Variants in DPH6 observed in about 807,000 individuals in gnomAD.
DPH6 encodes the protein diphthamine biosynthesis 6.
DPH6 carries 33 observed loss-of-function variants against 38.2 expected under a neutral mutation model. The observed-to-expected ratio is 0.86, with a 90% CI of 0.65 to 1.15. DPH6 has a LOEUF of 1.15. Among genes scored for constraint, DPH6 ranks in the 50% most tolerant of loss-of-function variants. DPH6 has a pLI of 0.00. For missense variants in DPH6, 325 were observed against 320.0 expected (o/e 1.02, Z -0.12); for synonymous variants, 108 against 103.0 (o/e 1.05, Z -0.30).
intron 5 of DPH6, among the ~76,000 whole-genome samples, chr15:35,413,271 C>A (rs2053392274): frequency 6.6e-6 from 1 of 151,572 alleles, no homozygotes; most frequent in African/African-American, 2.4e-5. Context: ...AGATTATGTA[C>A]CTAAACACAT....
chr15:35,304,879 C>T (rs1023610974), intron 3 of DPH6, among the ~76,000 whole-genome samples: 13 of 151,374 alleles, frequency 8.6e-5, no homozygotes, highest in African/African-American at 2.9e-4. Context: ...AACAAACGAA[C>T]GTGATATACT....
chr15:35,475,159 TAGAG>T lies in DPH6; in HGVS notation c.313-20343_313-20340del, dbSNP rs1043070590. On this transcript the variant is annotated intron_variant, in intron 3 of 8. Coordinates refer to ENST00000256538, the MANE Select transcript of DPH6 (RefSeq NM_080650.4). ...GATAAACATTAAATATTTTCTTAAA[TAGAG>T]AGAGGAAGGAGAGTAAGAGTTAAAC... 5.3e-5 allele frequency among the ~76,000 whole-genome samples: 8 copies of T among 152,050 alleles called. 1 individual carries two copies. The highest frequency in any genetic ancestry group is 3.9e-4 in the Admixed American group (6 of 15,256).
chr15:35,339,809 T>C (rs139580048), intron 3 of DPH6, among the ~76,000 whole-genome samples: 1 of 152,194 alleles, frequency 6.6e-6, no homozygotes, highest in Non-Finnish European at 1.5e-5. Context: ...TCCGATTATG[T>C]GATCAACTTT....
intron 3 of DPH6, among the ~76,000 whole-genome samples, chr15:35,286,531 C>A (rs58305740): frequency 0.026 from 4,017 of 152,208 alleles, 167 homozygotes; most frequent in African/African-American, 0.091. Context: ...ACTAAATGAA[C>A]AAATGACTGA....
intron 3 of DPH6, among the ~76,000 whole-genome samples, chr15:35,472,406 C>A (rs1595393919): frequency 6.6e-6 from 1 of 152,148 alleles, no homozygotes; most frequent in South Asian, 2.1e-4. Flanking sequence ...AGTGGCAGGT[C>A]AGCAACAGCA....
Position 35,533,824 on chromosome 15 carries a change from C to A in DPH6, c.312+4450G>T, listed in dbSNP as rs889018102. 5.3e-5 allele frequency among the ~76,000 whole-genome samples: 8 copies of A among 152,052 alleles called. No homozygotes were observed. The East Asian group carries it at 1.2e-3, about 22-fold the overall frequency. ...AGATAAAGAAGGAATCATGACTGATCAGTCAGCACAGACAGCCATAATCTA... is the reference window on the plus strand; with the variant it reads ...AGATAAAGAAGGAATCATGACTGATAAGTCAGCACAGACAGCCATAATCTA... On this transcript the variant is annotated intron_variant, in intron 3 of 8. Transcript: ENST00000256538.
At chr15:35,508,367 T>C (rs2054723868) in intron 3 of DPH6, among the ~76,000 whole-genome samples, 1 of 152,170 alleles carries the variant, frequency 6.6e-6, no homozygotes, top group African/African-American at 2.4e-5. Flanking sequence ...CAGTAACTAG[T>C]TGCTCTAACG....
intron 3 of DPH6, among the ~76,000 whole-genome samples, chr15:35,469,068 T>C (rs2054165101): frequency 3.0e-5 from 3 of 98,696 alleles, no homozygotes. Flanking sequence ...AAAACTCTGC[T>C]TCAAAACAAC....
intron 3 of DPH6, among the ~76,000 whole-genome samples, chr15:35,232,883 A>G (rs1249219234): frequency 6.6e-6 from 1 of 152,266 alleles, no homozygotes; most frequent in Non-Finnish European, 1.5e-5. Context: ...ATGCAAAGAC[A>G]TTTGTACAAT....
intron 7 of DPH6, 123 bp from the exon 8 acceptor site, chr15:35,373,731 T>A: frequency 1.8e-6 from 1 of 566,702 alleles, no homozygotes; most frequent in Admixed American, 4.0e-5. Flanking sequence ...GTATACAACA[T>A]GTAGTGATTA....
chr15:35,324,500 T>C (rs931386919), intron 3 of DPH6, among the ~76,000 whole-genome samples: 11 of 147,510 alleles, frequency 7.5e-5, no homozygotes, highest in Admixed American at 6.9e-4. Flanking sequence ...CTTAAGTTGT[T>C]CTCAGTCCTT....
the DPH6 span, among the ~76,000 whole-genome samples, chr15:35,167,025 A>T: frequency 1.3e-5 from 2 of 152,044 alleles, no homozygotes; most frequent in Admixed American, 1.3e-4. Context: ...TGTCAATGGA[A>T]GCGAATTCTC....
intron 8 of DPH6, 74 bp downstream of exon 8, chr15:35,373,447 G>C: frequency 7.7e-7 from 1 of 1,296,830 alleles, no homozygotes; most frequent in South Asian, 1.6e-5. Context: ...TGTTGTTACA[G>C]AATTATATAT....
chr15:35,516,281 AAGTT>A (rs939610005), intron 3 of DPH6, among the ~76,000 whole-genome samples: 2 of 152,212 alleles, frequency 1.3e-5, no homozygotes, highest in African/African-American at 4.8e-5. Context: ...TTATCTTATG[AAGTT>A]AGTTAAATAT....
intron 3 of DPH6, among the ~76,000 whole-genome samples, chr15:35,342,933 G>A (rs1198652378): frequency 6.6e-6 from 1 of 152,112 alleles, no homozygotes; most frequent in East Asian, 1.9e-4. Context: ...TCAGTTCAAA[G>A]CTATTCTTTC....
At chr15:35,481,400 T>C (rs538638486) in intron 3 of DPH6, among the ~76,000 whole-genome samples, 47 of 152,234 alleles carry the variant, frequency 3.1e-4, no homozygotes, top group African/African-American at 1.1e-3. Flanking sequence ...CAGAAGATTA[T>C]AGATTACAAA....
intron 3 of DPH6, among the ~76,000 whole-genome samples, chr15:35,277,492 AC>A (rs1469937313): frequency 2.0e-5 from 3 of 152,266 alleles, no homozygotes; most frequent in African/African-American, 7.2e-5. Flanking sequence ...GAAAATTGGT[AC>A]CAGGAGTGGG....
At chr15:35,262,279 G>A (rs532073843) in intron 3 of DPH6, among the ~76,000 whole-genome samples, 6 of 152,176 alleles carry the variant, frequency 3.9e-5, no homozygotes, top group Non-Finnish European at 8.8e-5. Context: ...AATCTCCAAT[G>A]AGCTTAAAAA....
intron 3 of DPH6, among the ~76,000 whole-genome samples, chr15:35,303,157 C>T (rs1334887429): frequency 1.3e-5 from 2 of 152,080 alleles, no homozygotes; most frequent in South Asian, 2.1e-4. Context: ...TAAAGCACTC[C>T]CTGACTTTTC....
Sources: allele counts gnomAD v4.1 joint callset (sites outside exome capture counted in the v4.1 genomes callset), GRCh38; gene constraint gnomAD v4.1.1; transcripts MANE v1.5; gene names NCBI Gene and HGNC (gene_info 2026-07-23, HGNC 2026-07-21).